The following KLK4 variants were observed in gnomAD, a reference collection of about 807,000 sequenced individuals.
KLK4 encodes the protein kallikrein related peptidase 4.
A neutral mutation model predicts 24.3 loss-of-function variants in KLK4; 24 were observed. The ratio of observed to expected loss-of-function variants is 0.99; its 90% confidence interval spans 0.72 to 1.39. The LOEUF is 1.39. Ranked by LOEUF, KLK4 falls within the 40% of genes most tolerant of loss-of-function variation. The probability of loss-of-function intolerance (pLI) is 0.00; values close to 1 mark genes in which losing one functional copy is unlikely to be tolerated. For synonymous variants in KLK4, 142 were observed against 138.8 expected, an observed-to-expected ratio of 1.02 and a Z score of -0.16; for missense variants, 344 against 327.4, an observed-to-expected ratio of 1.05 and a Z score of -0.39.
exon 5 of KLK4, chr19:50,908,379 C>T (rs1380466417): frequency 6.2e-7 from 1 of 1,613,848 alleles, no homozygotes; most frequent in South Asian, 1.1e-5. Context: ...TCCTTCTGGT[C>T]TTGCCCTCCG....
chr19:50,909,101 C>A, intron 3 of KLK4, 151 bp downstream of exon 3: 1 of 1,374,894 alleles, frequency 7.3e-7, no homozygotes, highest in Non-Finnish European at 9.3e-7. Flanking sequence ...CCTCCCAGCC[C>A]TTCCCTCTGG....
At chr19:50,906,930 A>G in exon 6 of KLK4, 1 of 1,614,150 alleles carries the variant, frequency 6.2e-7, no homozygotes, top group Non-Finnish European at 8.5e-7. Flanking sequence ...CCCAGTCCCC[A>G]GAGTTAACTG....
Position 50,910,796 on chromosome 19 carries a change from C to G in KLK4, c.-11-47G>C. 6.9e-7 allele frequency: 1 copy of G among 1,448,658 alleles called. No individual in the cohort carries two copies. Among genetic ancestry groups the G allele is most frequent in the Non-Finnish European group, 9.5e-7 (1 of 1,053,338 alleles). The allele number at this position is 1,448,658 out of a possible 1,614,324, so 89.7% of individuals were successfully genotyped here. On this transcript the variant is annotated intron_variant, in intron 1 of 5. Coordinates refer to ENST00000324041, the Ensembl canonical transcript of KLK4. The surrounding 1 kb of genome is among the most constrained non-coding windows in gnomAD (Gnocchi z 4.4). Reference sequence around the variant, plus strand: ...TAGCCGTGTCTGGGGATCTTCAGCCCAAGTCTCTCCATCCCTCTCTTTGTC... The same window carrying G: ...TAGCCGTGTCTGGGGATCTTCAGCCGAAGTCTCTCCATCCCTCTCTTTGTC...
chr19:50,907,907 G>A (rs535583622), intron 5 of KLK4: 17 of 245,196 alleles, frequency 6.9e-5, no homozygotes, highest in African/African-American at 2.3e-4. Context: ...ATTCACAGAC[G>A]AACTGTGTAG....
chr19:50,908,546 T>C (rs1284712069), intron 4 of KLK4, 33 bp downstream of exon 4: 8 of 1,613,986 alleles, frequency 5.0e-6, no homozygotes, highest in Non-Finnish European at 6.8e-6. Context: ...GAGGACCTCC[T>C]TGAAGAGGGC....
At position 50,910,841 on chromosome 19, in the gene KLK4, G is replaced by A; in HGVS notation, c.-11-92C>T. ...TTTGTCCCTCCCTTTCTTCCCTCTG[G>A]GACGTTATTAGGTAGGCAAGAGCCT... On this transcript the variant is annotated intron_variant, in intron 1 of 5. Coordinates refer to ENST00000324041, the Ensembl canonical transcript of KLK4. The surrounding 1 kb of genome is among the most constrained non-coding windows in gnomAD (Gnocchi z 4.4). The A allele has an allele frequency of 3.5e-6, 4 of 1,154,476 alleles. No homozygotes were observed. The highest frequency in any genetic ancestry group is 5.1e-6 in the Non-Finnish European group (4 of 788,216). 71.5% of individuals were successfully genotyped at this position (1,154,476 alleles called of 1,614,324 possible).
intron 5 of KLK4, chr19:50,907,968 C>T (rs572148907): frequency 3.0e-5 from 10 of 332,674 alleles, no homozygotes; most frequent in Admixed American, 4.4e-5. Flanking sequence ...ATGCATAAAA[C>T]GTATGCATAA....
intron 2 of KLK4, 71 bp from the exon 3 acceptor site, chr19:50,909,485 A>G (rs964635727): frequency 3.3e-6 from 5 of 1,515,892 alleles, no homozygotes; most frequent in Non-Finnish European, 4.5e-6. Flanking sequence ...GGGCTTACCG[A>G]GCAGGGGCGT....
intron 1 of KLK4, among the ~76,000 whole-genome samples, 148 bp downstream of exon 1, chr19:50,911,191 G>A (rs905094153): frequency 6.6e-6 from 1 of 152,182 alleles, no homozygotes; most frequent in Non-Finnish European, 1.5e-5. Flanking sequence ...TAGAGACAGT[G>A]ACTCCTAACT....
At position 50,909,819 on chromosome 19, in the gene KLK4, C is replaced by G. The variant is rs913203277; in HGVS notation, c.62-405G>C. 2.0e-5 allele frequency among the ~76,000 whole-genome samples: 3 copies of G among 151,422 alleles called. No homozygotes were observed. The South Asian group carries it at 6.3e-4, about 32-fold the overall frequency. ...TCAGGGATTCAGGGTAGTCAGGGCT[C>G]CTGGGAGGAGAGTCAGGGCATGGGG... On this transcript the variant is annotated intron_variant, in intron 2 of 5. Transcript: ENST00000324041.
chr19:50,906,831 G>A, exon 6 of KLK4: 1 of 1,431,568 alleles, frequency 7.0e-7, no homozygotes, highest in South Asian at 1.1e-5. Context: ...CTGGGGGCCT[G>A]GACTCCTGGG....
At chr19:50,907,655 C>T (rs1475227054) in intron 5 of KLK4, among the ~76,000 whole-genome samples, 1 of 152,154 alleles carries the variant, frequency 6.6e-6, no homozygotes, top group East Asian at 1.9e-4. Context: ...GATCTGCCTG[C>T]CTCGCCTCCC....
Position 50,910,187 on chromosome 19 carries a change from G to T in KLK4, c.61+491C>A, listed in dbSNP as rs900235949. Among the ~76,000 whole-genome samples, 2 of 152,104 alleles carry T rather than the reference G, an allele frequency of 1.3e-5. No individual in the cohort carries two copies. The highest frequency in any genetic ancestry group is 4.8e-5 in the African/African-American group (2 of 41,470). Reference sequence around the variant, plus strand: ...ATGCTCAAAGAGTCGGTCCTGCGCCGAGTCACTCCTATCCTCTCCCAGCCT... The same window carrying T: ...ATGCTCAAAGAGTCGGTCCTGCGCCTAGTCACTCCTATCCTCTCCCAGCCT... On this transcript the variant is annotated intron_variant, in intron 2 of 5. Coordinates refer to ENST00000324041, the Ensembl canonical transcript of KLK4. The surrounding 1 kb of genome is among the most constrained non-coding windows in gnomAD (Gnocchi z 4.4).
Position 50,910,958 on chromosome 19 carries a change from AAGAG to A in KLK4, c.-11-213_-11-210del, listed in dbSNP as rs3830681. 2.6e-5 allele frequency among the ~76,000 whole-genome samples: 4 copies of A among 151,328 alleles called. No individual in the cohort carries two copies. The highest frequency in any genetic ancestry group is 1.9e-4 in the East Asian group (1 of 5,144). The stretch of plus-strand genomic sequence containing the variant: ...AGAAAAAGAGAGAGAGAGATGGGAA[AAGAG>A]AGAGAGAGAGAGAACTAGGTAGAAA... On this transcript the variant is annotated intron_variant, in intron 1 of 5. Transcript: ENST00000324041. This position sits in a 1 kb window ranked among gnomAD's most constrained non-coding sequence, Gnocchi z 4.4.
chr19:50,906,842 C>A, exon 6 of KLK4: 3 of 1,454,994 alleles, frequency 2.1e-6, no homozygotes, highest in Admixed American at 3.5e-5. Flanking sequence ...GACTCCTGGG[C>A]CTGAGGGAGG....
At chr19:50,909,563 C>A in intron 2 of KLK4, 149 bp from the exon 3 acceptor site, 1 of 805,288 alleles carries the variant, frequency 1.2e-6, no homozygotes, top group Non-Finnish European at 2.0e-6. Flanking sequence ...GCTCAGGAGG[C>A]GGGCCCAGGG....
Position 50,910,636 on chromosome 19 carries a change from GC to G in KLK4, c.61+41del. 1 of 1,523,580 alleles carries G rather than the reference GC, an allele frequency of 6.6e-7. No homozygotes were observed. The highest frequency in any genetic ancestry group is 8.9e-7 in the Non-Finnish European group (1 of 1,121,278). 94.4% of individuals were successfully genotyped at this position (1,523,580 alleles called of 1,614,324 possible). On this transcript the variant is annotated intron_variant, in intron 2 of 5. Coordinates refer to ENST00000324041, the Ensembl canonical transcript of KLK4. The surrounding 1 kb of genome is among the most constrained non-coding windows in gnomAD (Gnocchi z 4.4). Reference sequence around the variant, plus strand: ...ACACCTGAACATTAACAAACACTGTGCCCCCAAGCACGGACAGACACACACA... The same window carrying G: ...ACACCTGAACATTAACAAACACTGTGCCCCAAGCACGGACAGACACACACA...
chr19:50,908,558 G>GACAC, intron 4 of KLK4, 21 bp downstream of exon 4: 1 of 1,614,152 alleles, frequency 6.2e-7, no homozygotes, highest in Non-Finnish European at 8.5e-7. Context: ...GAAGAGGGCA[G>GACAC]ACACACACCC....
intron 5 of KLK4, 96 bp downstream of exon 5, chr19:50,908,263 C>A: frequency 7.0e-7 from 1 of 1,427,944 alleles, no homozygotes; most frequent in South Asian, 1.1e-5. Context: ...GTGTGTCTCT[C>A]CATCTCTGCA....
Sources: gnomAD v4.1 joint callset for allele counts (sites outside exome capture counted in the v4.1 genomes callset) on GRCh38, gnomAD v4.1.1 for gene constraint, Gnocchi (gnomAD v3.1) non-coding constraint, MANE v1.5 for transcripts, NCBI Gene and HGNC (gene_info 2026-07-23, HGNC 2026-07-21) for gene names.